The following PLCB1 variants were observed in gnomAD, a reference collection of about 807,000 sequenced individuals.
PLCB1 encodes 1-phosphatidylinositol 4,5-bisphosphate phosphodiesterase beta-1.
In PLCB1, 46 loss-of-function variants were observed where a neutral mutation model predicts 161.8. That is an observed-to-expected ratio of 0.28 (90% CI 0.22 to 0.36). The LOEUF is 0.36. PLCB1 is among the 10% of genes least tolerant of loss of function. The probability of loss-of-function intolerance (pLI) is 1.00; values close to 1 mark genes in which losing one functional copy is unlikely to be tolerated. For synonymous variants in PLCB1, 517 were observed against 503.7 expected (o/e 1.03, Z -0.35); for missense variants, 1,016 against 1,472.5 (o/e 0.69, Z 5.07).
intron 3 of PLCB1, among the ~76,000 whole-genome samples, chr20:8,624,169 C>A (rs922785771): frequency 6.6e-6 from 1 of 152,144 alleles, no homozygotes; most frequent in African/African-American, 2.4e-5. Flanking sequence ...CTTTCATTTC[C>A]AACTGTTGTA....
intron 3 of PLCB1, among the ~76,000 whole-genome samples, chr20:8,450,233 A>G (rs1006526508): frequency 6.6e-6 from 1 of 152,164 alleles, no homozygotes; most frequent in African/African-American, 2.4e-5. Context: ...TGAAATGATT[A>G]AATTCTCATT....
At chr20:8,163,281 C>T (rs572372724) in intron 2 of PLCB1, among the ~76,000 whole-genome samples, 76 of 152,306 alleles carry the variant, frequency 5.0e-4, no homozygotes, top group Non-Finnish European at 8.5e-4. Flanking sequence ...GTGGTATACC[C>T]ACCAGTTCCT....
At chr20:8,293,417 C>G (rs1983472517) in intron 2 of PLCB1, among the ~76,000 whole-genome samples, 1 of 151,984 alleles carries the variant, frequency 6.6e-6, no homozygotes, top group African/African-American at 2.4e-5. Context: ...ATGTATAGTT[C>G]TCATTTTGTC....
At chr20:8,465,153 T>G (rs1169328853) in intron 3 of PLCB1, among the ~76,000 whole-genome samples, 2 of 152,106 alleles carry the variant, frequency 1.3e-5, no homozygotes, top group Non-Finnish European at 2.9e-5. Flanking sequence ...ATTTTATATA[T>G]TATATATTTT....
At chr20:8,320,871 A>G in intron 2 of PLCB1, among the ~76,000 whole-genome samples, 1 of 150,814 alleles carries the variant, frequency 6.6e-6, no homozygotes, top group Admixed American at 6.6e-5. Flanking sequence ...GAAAGAAAAG[A>G]AAGAAAAAGG....
chr20:8,658,237 G>A (rs1454326442), intron 8 of PLCB1, among the ~76,000 whole-genome samples: 4 of 152,270 alleles, frequency 2.6e-5, no homozygotes, highest in South Asian at 2.1e-4. Context: ...CTCTGTGTTC[G>A]GTTTAGAGTG....
intron 2 of PLCB1, among the ~76,000 whole-genome samples, chr20:8,246,607 G>A (rs1183673238): frequency 6.6e-6 from 1 of 151,858 alleles, no homozygotes; most frequent in East Asian, 1.9e-4. Flanking sequence ...AAGAGGTTGA[G>A]GAATAATTGC....
intron 3 of PLCB1, among the ~76,000 whole-genome samples, chr20:8,556,659 GTGTGTGTGTGTGT>G (rs1985964512): frequency 2.5e-4 from 2 of 8,000 alleles, no homozygotes; most frequent in African/African-American, 8.2e-4. Flanking sequence ...AGGGTTGGGT[GTGTGTGTGTGTGT>G]GTGTGTGTGT....
In PLCB1 at chr20:8,646,205, T is replaced by C. The variant is rs201135501; in HGVS notation, c.464+24T>C. ...GCGTAAGTCACTCTAATTTTATTGCTAAGGGCGTTGCTTCTTCTGAGTCAG... is the reference window on the plus strand; with the variant it reads ...GCGTAAGTCACTCTAATTTTATTGCCAAGGGCGTTGCTTCTTCTGAGTCAG... On this transcript the variant is annotated intron_variant, in intron 5 of 31. Transcript: ENST00000338037. 3.2e-5 allele frequency: 48 copies of C among 1,487,224 alleles called. No individual in the cohort carries two copies. In the African/African-American group the frequency reaches 5.1e-4, roughly 16 times the overall value. The allele number at this position is 1,487,224 out of a possible 1,614,324, so 92.1% of individuals were successfully genotyped here.
chr20:8,435,431 G>C (rs1980255422), intron 3 of PLCB1, among the ~76,000 whole-genome samples: 1 of 152,158 alleles, frequency 6.6e-6, no homozygotes, highest in African/African-American at 2.4e-5. Context: ...AGATTATCCT[G>C]GGTGAGCCTG....
At chr20:8,496,320 C>T (rs113255866) in intron 3 of PLCB1, among the ~76,000 whole-genome samples, 1 of 146,068 alleles carries the variant, frequency 6.8e-6, no homozygotes, top group African/African-American at 2.6e-5. Context: ...TGGCAAGACC[C>T]CATCTCTGCA....
chr20:8,662,020 A>T (rs1307648961), intron 9 of PLCB1, among the ~76,000 whole-genome samples: 2 of 28,918 alleles, frequency 6.9e-5, no homozygotes, highest in East Asian at 8.8e-4. Context: ...ATTATATATA[A>T]TATACAATTA....
intron 3 of PLCB1, among the ~76,000 whole-genome samples, chr20:8,535,986 A>G (rs951593136): frequency 1.1e-4 from 16 of 151,874 alleles, no homozygotes; most frequent in African/African-American, 3.9e-4. Context: ...TTATTTTAAT[A>G]TAATATTTTT....
chr20:8,744,586 C>A (rs1024439237), intron 23 of PLCB1, among the ~76,000 whole-genome samples: 2 of 93,572 alleles, frequency 2.1e-5, no homozygotes, highest in Non-Finnish European at 2.1e-5. Flanking sequence ...CTAGCCTGGG[C>A]CACAGAGACC....
At chr20:8,495,885 C>G (rs1177658524) in intron 3 of PLCB1, among the ~76,000 whole-genome samples, 1 of 152,114 alleles carries the variant, frequency 6.6e-6, no homozygotes, top group Non-Finnish European at 1.5e-5. Context: ...CTTCTTCACT[C>G]TATTCAAAGT....
At chr20:8,662,385 T>C (rs1479266666) in intron 9 of PLCB1, among the ~76,000 whole-genome samples, 4 of 130,356 alleles carry the variant, frequency 3.1e-5, no homozygotes, top group East Asian at 2.2e-4. Context: ...ATGTATAATA[T>C]ATAATTATTT....
At chr20:8,457,982 G>T (rs949909646) in intron 3 of PLCB1, among the ~76,000 whole-genome samples, 4 of 152,232 alleles carry the variant, frequency 2.6e-5, no homozygotes, top group African/African-American at 9.6e-5. Context: ...ACTATCAGTT[G>T]CATTTGGCAC....
intron 3 of PLCB1, among the ~76,000 whole-genome samples, chr20:8,483,633 T>C (rs1982598836): frequency 1.3e-5 from 2 of 152,200 alleles, no homozygotes; most frequent in African/African-American, 4.8e-5. Context: ...AACTTATAGA[T>C]AACTTCGGGA....
At chr20:8,768,725 GC>G (rs2146196642) in intron 26 of PLCB1, among the ~76,000 whole-genome samples, 1 of 152,322 alleles carries the variant, frequency 6.6e-6, no homozygotes, top group East Asian at 1.9e-4. Context: ...ATGGCGTGGT[GC>G]CCCCTGAGAT....
Sources: gnomAD v4.1 joint callset for allele counts (sites outside exome capture counted in the v4.1 genomes callset) on GRCh38, gnomAD v4.1.1 for gene constraint, MANE v1.5 for transcripts, NCBI Gene and HGNC (gene_info 2026-07-23, HGNC 2026-07-21) for gene names.